The following TRPC5 variants were observed in gnomAD, a reference collection of about 807,000 sequenced individuals.
The protein encoded by TRPC5 is short transient receptor potential channel 5.
A neutral mutation model predicts 56.5 loss-of-function variants in TRPC5; 9 were observed. That is an observed-to-expected ratio of 0.16 (90% CI 0.10 to 0.28). TRPC5 has a LOEUF of 0.28. Among genes scored for constraint, TRPC5 ranks in the 10% least tolerant of loss-of-function variants. The pLI, the probability that TRPC5 is intolerant of heterozygous loss-of-function variation, is 1.00. For synonymous variants in TRPC5, 282 were observed against 278.5 expected (o/e 1.01, Z -0.13); for missense variants, 469 against 748.9 (o/e 0.63, Z 4.36).
chrX:111,962,988 G>A (rs1486214424), intron 1 of TRPC5, among the ~76,000 whole-genome samples: 2 of 111,747 alleles, frequency 1.8e-5, no homozygotes, highest in Non-Finnish European at 3.8e-5. Context: ...CAGAACAGTG[G>A]GTGCAGCGTA....
intron 3 of TRPC5, among the ~76,000 whole-genome samples, chrX:111,869,487 C>T (rs1166348364): frequency 2.7e-5 from 3 of 111,901 alleles, no homozygotes; most frequent in Non-Finnish European, 5.6e-5. Context: ...AACTGGAAGC[C>T]CTATCTTTCA....
chrX:112,049,717 G>C (rs900455944), intron 1 of TRPC5, among the ~76,000 whole-genome samples: 20 of 110,750 alleles, frequency 1.8e-4, no homozygotes, highest in African/African-American at 5.9e-4. Context: ...GTACAGAAAG[G>C]CTGTCTGAAC....
At chrX:111,812,207 G>C (rs2148565925) in intron 7 of TRPC5, among the ~76,000 whole-genome samples, 1 of 110,541 alleles carries the variant, frequency 9.0e-6, no homozygotes. Context: ...TTTTCTAAAG[G>C]TTTTGAGGGA....
chrX:112,027,651 C>T (rs1244239656), intron 1 of TRPC5, among the ~76,000 whole-genome samples: 1 of 111,083 alleles, frequency 9.0e-6, no homozygotes, highest in East Asian at 2.8e-4. Flanking sequence ...CGCCCGCCAC[C>T]ACGCCTGGCT....
intron 3 of TRPC5, 151 bp downstream of exon 3, chrX:111,912,140 T>C (rs927242978): frequency 5.9e-5 from 35 of 588,792 alleles, no homozygotes; most frequent in Non-Finnish European, 4.6e-5. Flanking sequence ...AAAGGTTGTC[T>C]GTGCCTCGGA....
chrX:111,983,310 C>T (rs1258836891), intron 1 of TRPC5, among the ~76,000 whole-genome samples: 1 of 111,355 alleles, frequency 9.0e-6, no homozygotes, highest in Non-Finnish European at 1.9e-5. Flanking sequence ...CGATTACCTC[C>T]ATCACAGCCA....
chrX:111,932,611 C>A (rs1055387244), intron 2 of TRPC5, among the ~76,000 whole-genome samples: 13 of 111,312 alleles, frequency 1.2e-4, no homozygotes, highest in African/African-American at 2.9e-4. Flanking sequence ...TCCTCTCTGT[C>A]CTGACTGCCA....
intron 3 of TRPC5, among the ~76,000 whole-genome samples, chrX:111,901,191 A>G (rs778274358): frequency 8.9e-6 from 1 of 111,949 alleles, no homozygotes; most frequent in Non-Finnish European, 1.9e-5. Flanking sequence ...AAACACAGAA[A>G]GAATTCAGCA....
In TRPC5 at chrX:111,938,161, G is replaced by T. The variant is rs1252392358; in HGVS notation, c.378+13882C>A. Among the ~76,000 whole-genome samples, 33 of 96,146 alleles carry T rather than the reference G, an allele frequency of 3.4e-4. No individual in the cohort carries two copies. The South Asian group carries it at 0.014, about 40-fold the overall frequency. 83.5% of individuals were successfully genotyped at this position (96,146 alleles called of 115,157 possible). A position where few individuals can be genotyped will look rare whatever the true frequency, so the allele number is the denominator to read the frequency against. Reference sequence around the variant, plus strand: ...GGCTCTCTGTTTGTCTGTTATTGGTGTATAAGAATGCTTGTGATTTTTGTA... The same window carrying T: ...GGCTCTCTGTTTGTCTGTTATTGGTTTATAAGAATGCTTGTGATTTTTGTA... On this transcript the variant is annotated intron_variant, in intron 2 of 10. Coordinates refer to ENST00000262839, the MANE Select transcript of TRPC5 (RefSeq NM_012471.3).
intron 1 of TRPC5, among the ~76,000 whole-genome samples, chrX:112,019,930 C>G (rs867778855): frequency 2.7e-5 from 3 of 112,319 alleles, no homozygotes; most frequent in Admixed American, 9.4e-5. Context: ...CTCATCTTCT[C>G]CATGACTACC....
chrX:111,938,192 A>AT (rs1436608609), intron 2 of TRPC5, among the ~76,000 whole-genome samples: 28 of 94,339 alleles, frequency 3.0e-4, no homozygotes, highest in Non-Finnish European at 3.3e-4. Flanking sequence ...TTGTACATTG[A>AT]TTTTGTATCC....
intron 3 of TRPC5, among the ~76,000 whole-genome samples, chrX:111,870,521 A>G (rs1015768588): frequency 2.7e-5 from 3 of 111,923 alleles, no homozygotes; most frequent in African/African-American, 6.5e-5. Context: ...TGGCAACCCT[A>G]CTATAATCAA....
intron 7 of TRPC5, among the ~76,000 whole-genome samples, chrX:111,833,825 T>A (rs1167028288): frequency 9.0e-6 from 1 of 111,669 alleles, no homozygotes; most frequent in Non-Finnish European, 1.9e-5. Context: ...GCTTCTTTTC[T>A]ATAGGCTAAA....
intron 1 of TRPC5, among the ~76,000 whole-genome samples, chrX:112,019,020 A>G (rs1482909382): frequency 8.9e-6 from 1 of 112,247 alleles, no homozygotes; most frequent in African/African-American, 3.2e-5. Context: ...AGCCAGATAA[A>G]ACTCTGCTTT....
chrX:112,021,107 AG>A (rs1459590890), intron 1 of TRPC5, among the ~76,000 whole-genome samples: 9 of 110,677 alleles, frequency 8.1e-5, no homozygotes, highest in African/African-American at 3.0e-4. Flanking sequence ...CTTTGTGGAA[AG>A]GTCCTGTGGG....
intron 1 of TRPC5, among the ~76,000 whole-genome samples, chrX:112,020,679 G>A (rs911936511): frequency 1.3e-4 from 14 of 111,660 alleles, no homozygotes; most frequent in African/African-American, 2.6e-4. Context: ...GGGTGTGACC[G>A]TCAATGATCA....
chrX:111,868,725 GAGA>G (rs1923624483), intron 3 of TRPC5, among the ~76,000 whole-genome samples: 2 of 111,777 alleles, frequency 1.8e-5, no homozygotes, highest in African/African-American at 6.5e-5. Context: ...TATACCAGAG[GAGA>G]AGGTGAGGAT....
chrX:112,049,890 G>C (rs963304795), intron 1 of TRPC5, among the ~76,000 whole-genome samples: 3 of 111,991 alleles, frequency 2.7e-5, no homozygotes, highest in Non-Finnish European at 5.6e-5. Flanking sequence ...AATATTAAAG[G>C]CTAGGCTGGG....
Position 112,065,849 on chromosome X carries a change from T to A in TRPC5, c.-22+16030A>T, listed in dbSNP as rs759943087. ...TGGCACCACTGAATTCCAGCCTGGA[T>A]GACAGAGCAAGACTCTATTTCCAAA... On this transcript the variant is annotated intron_variant, in intron 1 of 10. Transcript: ENST00000262839. Among the ~76,000 whole-genome samples the A allele has an allele frequency of 8.3e-5, 9 of 108,526 alleles. No homozygotes were observed. In the East Asian group the frequency reaches 2.6e-3, roughly 32 times the overall value. 94.2% of individuals were successfully genotyped at this position (108,526 alleles called of 115,157 possible).
Sources: gnomAD v4.1 joint callset for allele counts (sites outside exome capture counted in the v4.1 genomes callset) on GRCh38, gnomAD v4.1.1 for gene constraint, MANE v1.5 for transcripts, NCBI Gene and HGNC (gene_info 2026-07-23, HGNC 2026-07-21) for gene names.